The following C8orf34 variants were observed in gnomAD, a reference collection of about 807,000 sequenced individuals.
The protein encoded by C8orf34 is uncharacterized protein C8orf34.
In C8orf34, 65 loss-of-function variants were observed where a neutral mutation model predicts 68.3. That is an observed-to-expected ratio of 0.95 (90% CI 0.78 to 1.17). The LOEUF (loss-of-function observed/expected upper bound fraction) is 1.17. C8orf34 is among the 50% of genes most tolerant of loss of function. The pLI is 0.00. For missense variants in C8orf34, 664 were observed against 655.4 expected (o/e 1.01, Z -0.14); for synonymous variants, 244 against 241.2 (o/e 1.01, Z -0.11).
chr8:68,689,423 A>T (rs931717022), intron 8 of C8orf34, among the ~76,000 whole-genome samples: 1 of 152,068 alleles, frequency 6.6e-6, no homozygotes, highest in Non-Finnish European at 1.5e-5. Flanking sequence ...AAAATTGAAA[A>T]ATAACGCTTA....
chr8:68,640,271 T>C (rs1471452733), intron 7 of C8orf34, 105 bp from the exon 8 acceptor site: 2 of 1,021,756 alleles, frequency 2.0e-6, no homozygotes, highest in African/African-American at 3.2e-5. Flanking sequence ...GGGATATATA[T>C]TGTTTTGCTT....
chr8:68,638,530 A>G (rs1818912948), intron 7 of C8orf34, among the ~76,000 whole-genome samples: 1 of 152,128 alleles, frequency 6.6e-6, no homozygotes, highest in Non-Finnish European at 1.5e-5. Flanking sequence ...CTACCTCTGT[A>G]TGGAGCAGGA....
intron 7 of C8orf34, among the ~76,000 whole-genome samples, chr8:68,549,789 C>T (rs1257250362): frequency 6.6e-6 from 1 of 151,640 alleles, no homozygotes; most frequent in Non-Finnish European, 1.5e-5. Context: ...TGTTGTTAGG[C>T]ACATAAATAT....
At chr8:68,621,135 T>C (rs762102914) in intron 7 of C8orf34, among the ~76,000 whole-genome samples, 1 of 152,202 alleles carries the variant, frequency 6.6e-6, no homozygotes. Flanking sequence ...ACAAGATGTG[T>C]ACTCCTCTGG....
intron 10 of C8orf34, among the ~76,000 whole-genome samples, chr8:68,731,645 A>C (rs1821981175): frequency 6.6e-6 from 1 of 152,186 alleles, no homozygotes; most frequent in South Asian, 2.1e-4. Flanking sequence ...AATTACATCT[A>C]TCTTACAAGC....
At chr8:68,460,294 G>T (rs1272486590) in intron 3 of C8orf34, among the ~76,000 whole-genome samples, 1 of 152,224 alleles carries the variant, frequency 6.6e-6, no homozygotes, top group Non-Finnish European at 1.5e-5. Flanking sequence ...CAGGAAGCTC[G>T]AACTGCTTGG....
rs141931323 is a variant in C8orf34 at position 68,690,280 on chromosome 8, C to A, written c.1242-18714C>A. ...TATTGTAGGGGAGGCAACATTTCAC[C>A]TCTACCTTCCTAGAATTTTTCAGCT... On this transcript the variant is annotated intron_variant, in intron 8 of 13. Transcript: ENST00000518698. Among the ~76,000 whole-genome samples, 1,449 of 152,008 alleles carry A rather than the reference C, an allele frequency of 9.5e-3. 21 individuals carry two copies. Among genetic ancestry groups the A allele is most frequent in the Admixed American group, 0.043 (651 of 15,226 alleles).
In C8orf34 at chr8:68,464,857, A is replaced by T. The variant is rs550496064; in HGVS notation, c.608-3835A>T. Reference sequence around the variant, plus strand: ...AAAACCATAAAAACCCTAGAAGAAAACCTAGGCAATACCATTCAGGACATA... The same window carrying T: ...AAAACCATAAAAACCCTAGAAGAAATCCTAGGCAATACCATTCAGGACATA... On this transcript the variant is annotated intron_variant, in intron 3 of 13. Transcript: ENST00000518698. 1.4e-4 allele frequency among the ~76,000 whole-genome samples: 21 copies of T among 152,122 alleles called. No individual in the cohort carries two copies. The East Asian group carries it at 3.1e-3, about 22-fold the overall frequency.
At chr8:68,669,661 G>C (rs1819947631) in intron 8 of C8orf34, among the ~76,000 whole-genome samples, 3 of 152,174 alleles carry the variant, frequency 2.0e-5, no homozygotes, top group Admixed American at 2.0e-4. Flanking sequence ...TCTGAGCTAT[G>C]AATAAAGTTC....
chr8:68,367,926 A>AAG (rs1807374466), intron 1 of C8orf34, among the ~76,000 whole-genome samples: 1 of 147,556 alleles, frequency 6.8e-6, no homozygotes, highest in Admixed American at 6.7e-5. Flanking sequence ...AAAAAAAAAA[A>AAG]AAAAAAAAAA....
At chr8:68,637,802 G>T (rs936277044) in intron 7 of C8orf34, among the ~76,000 whole-genome samples, 24 of 152,118 alleles carry the variant, frequency 1.6e-4, no homozygotes, top group African/African-American at 5.1e-4. Context: ...AAATGCTTTG[G>T]CTTTAATTCC....
At chr8:68,428,590 A>C (rs779540885) in intron 1 of C8orf34, among the ~76,000 whole-genome samples, 1 of 152,066 alleles carries the variant, frequency 6.6e-6, no homozygotes, top group Non-Finnish European at 1.5e-5. Context: ...GAAAACAGAA[A>C]AAATTTCAGT....
chr8:68,685,055 T>C (rs901665354), intron 8 of C8orf34, among the ~76,000 whole-genome samples: 12 of 152,168 alleles, frequency 7.9e-5, no homozygotes, highest in African/African-American at 2.9e-4. Context: ...AAAAAATTTG[T>C]ACCAGATGTT....
At chr8:68,689,798 C>CA (rs1308420024) in intron 8 of C8orf34, among the ~76,000 whole-genome samples, 2 of 151,984 alleles carry the variant, frequency 1.3e-5, no homozygotes, top group African/African-American at 2.4e-5. Flanking sequence ...CTAATCCTTA[C>CA]AAAAAAACTC....
At chr8:68,572,944 G>A (rs1375655690) in intron 7 of C8orf34, among the ~76,000 whole-genome samples, 1 of 152,034 alleles carries the variant, frequency 6.6e-6, no homozygotes, top group East Asian at 1.9e-4. Flanking sequence ...ATAATTGTGA[G>A]CTCTCTTTCA....
At chr8:68,535,872 C>G (rs1004477713) in intron 7 of C8orf34, 51 of 980,810 alleles carry the variant, frequency 5.2e-5, no homozygotes, top group Non-Finnish European at 5.6e-5. Context: ...GAAATTGGTG[C>G]TGTAATTATA....
At chr8:68,439,386 C>A in intron 1 of C8orf34, 113 bp from the exon 2 acceptor site, 1 of 848,606 alleles carries the variant, frequency 1.2e-6, no homozygotes, top group Non-Finnish European at 1.8e-6. Flanking sequence ...GAGTTAGTTG[C>A]TGTATATAAA....
intron 12 of C8orf34, 146 bp from the exon 13 acceptor site, chr8:68,815,740 T>C: frequency 7.5e-7 from 1 of 1,339,208 alleles, no homozygotes. Flanking sequence ...AAATACAGAA[T>C]GGCAGCACAG....
At chr8:68,423,107 T>A (rs1335674568) in intron 1 of C8orf34, among the ~76,000 whole-genome samples, 2 of 152,316 alleles carry the variant, frequency 1.3e-5, no homozygotes, top group South Asian at 4.1e-4. Context: ...TTTTTTCCCA[T>A]TGTCTTGGAG....
Sources: allele counts gnomAD v4.1 joint callset (sites outside exome capture counted in the v4.1 genomes callset), GRCh38; gene constraint gnomAD v4.1.1; transcripts MANE v1.5; gene names NCBI Gene and HGNC (gene_info 2026-07-23, HGNC 2026-07-21).